The following PLCH1 variants were observed in gnomAD, a reference collection of about 807,000 sequenced individuals.
PLCH1 encodes the protein phospholipase C eta 1, also known as 1-phosphatidylinositol 4,5-bisphosphate phosphodiesterase eta-1.
Under a neutral mutation model 126.7 loss-of-function variants are expected in PLCH1, and 60 were observed. The observed-to-expected ratio is 0.47, with a 90% confidence interval of 0.38 to 0.59. The LOEUF (loss-of-function observed/expected upper bound fraction) is 0.59. Ranked by LOEUF, PLCH1 falls within the 20% of genes least tolerant of loss-of-function variation. The pLI is 0.00. For missense variants in PLCH1, 1,723 were observed against 2,040.0 expected (o/e 0.84, Z 2.99); for synonymous variants, 719 against 734.9 (o/e 0.98, Z 0.35).
At chr3:155,470,246 T>C (rs1207636248) in intron 21 of PLCH1, among the ~76,000 whole-genome samples, 1 of 151,986 alleles carries the variant, frequency 6.6e-6, no homozygotes, top group Non-Finnish European at 1.5e-5. Context: ...CTGATGGAGC[T>C]GAAAACCAAG....
At chr3:155,467,509 G>T (rs770373633) in intron 21 of PLCH1, among the ~76,000 whole-genome samples, 1 of 152,058 alleles carries the variant, frequency 6.6e-6, no homozygotes, top group African/African-American at 2.4e-5. Context: ...GGGAGGCAGA[G>T]GTTGCAGTGA....
chr3:155,478,626 G>T (rs1713654384), downstream of PLCH1, among the ~76,000 whole-genome samples: 1 of 151,466 alleles, frequency 6.6e-6, no homozygotes, highest in African/African-American at 2.4e-5. Context: ...TGTGTTTTTT[G>T]TTTTTTTTAA....
At chr3:155,458,529 AG>A in intron 21 of PLCH1, among the ~76,000 whole-genome samples, 22 of 144,800 alleles carry the variant, frequency 1.5e-4, no homozygotes, top group African/African-American at 5.6e-4. Context: ...AGAAAGAGAA[AG>A]AAAGAAAAAG....
intron 2 of PLCH1, among the ~76,000 whole-genome samples, chr3:155,645,521 G>A (rs1373532176): frequency 6.6e-6 from 1 of 152,164 alleles, no homozygotes; most frequent in African/African-American, 2.4e-5. Flanking sequence ...CTGTTGCCTA[G>A]GCTAGAATGC....
At chr3:155,606,850 A>G (rs956787947) in intron 2 of PLCH1, among the ~76,000 whole-genome samples, 46 of 152,214 alleles carry the variant, frequency 3.0e-4, no homozygotes, top group African/African-American at 1.1e-3. Context: ...AGGATTCAAT[A>G]TATAAATGGG....
chr3:155,687,981 C>T (rs1745083184), intron 2 of PLCH1, among the ~76,000 whole-genome samples: 1 of 152,168 alleles, frequency 6.6e-6, no homozygotes, highest in South Asian at 2.1e-4. Flanking sequence ...ACAGTGAAAT[C>T]CTTACTGGAT....
intron 21 of PLCH1, among the ~76,000 whole-genome samples, chr3:155,463,875 C>T (rs1712823245): frequency 6.6e-6 from 1 of 152,178 alleles, no homozygotes; most frequent in Non-Finnish European, 1.5e-5. Flanking sequence ...TCTAGGCATA[C>T]AGCAAACTGG....
intron 2 of PLCH1, among the ~76,000 whole-genome samples, chr3:155,617,762 T>G (rs764307218): frequency 6.6e-6 from 1 of 152,198 alleles, no homozygotes; most frequent in Non-Finnish European, 1.5e-5. Flanking sequence ...TCAGAGGTGA[T>G]TTATAGAGCC....
At chr3:155,546,211 T>C (rs1451243690) in intron 10 of PLCH1, among the ~76,000 whole-genome samples, 2 of 152,104 alleles carry the variant, frequency 1.3e-5, no homozygotes, top group Non-Finnish European at 2.9e-5. Flanking sequence ...AAAATCAATG[T>C]ACAAAAATCA....
chr3:155,672,021 C>A (rs1255815461), intron 2 of PLCH1, among the ~76,000 whole-genome samples: 1 of 152,052 alleles, frequency 6.6e-6, no homozygotes, highest in African/African-American at 2.4e-5. Context: ...ATTCACAATA[C>A]CGACTAAAAT....
At chr3:155,712,664 G>A (rs141536921) in intron 1 of PLCH1, among the ~76,000 whole-genome samples, 115 of 152,158 alleles carry the variant, frequency 7.6e-4, no homozygotes, top group African/African-American at 2.6e-3. Context: ...TTCTTGAACC[G>A]AAGAGACGGA....
chr3:155,497,528 C>A (rs1717230731), intron 14 of PLCH1, 111 bp from the exon 15 acceptor site: 1 of 756,580 alleles, frequency 1.3e-6, no homozygotes, highest in Non-Finnish European at 2.3e-6. Context: ...GAATACCTGC[C>A]CCAGGTCCTA....
chr3:155,493,995 C>T, intron 17 of PLCH1, 146 bp downstream of exon 17: 1 of 621,404 alleles, frequency 1.6e-6, no homozygotes, highest in East Asian at 2.7e-5. Flanking sequence ...CACATTCAAA[C>T]ACCTTAACCT....
chr3:155,527,822 A>C (rs1476008001), intron 10 of PLCH1, among the ~76,000 whole-genome samples: 2 of 151,358 alleles, frequency 1.3e-5, no homozygotes, highest in Non-Finnish European at 2.9e-5. Flanking sequence ...CGGGAGGCTG[A>C]GGCAGGAGAA....
intron 2 of PLCH1, among the ~76,000 whole-genome samples, chr3:155,624,991 T>C (rs1338335922): frequency 6.6e-6 from 1 of 152,188 alleles, no homozygotes; most frequent in Non-Finnish European, 1.5e-5. Flanking sequence ...GACTTCAAAC[T>C]ATACTGCAAG....
intron 12 of PLCH1, among the ~76,000 whole-genome samples, chr3:155,509,340 G>C (rs565905439): frequency 1.1e-5 from 1 of 94,578 alleles, no homozygotes; most frequent in South Asian, 3.9e-4. Context: ...AGGGTTTTTT[G>C]TGTCTCTATT....
intron 21 of PLCH1, among the ~76,000 whole-genome samples, chr3:155,452,989 C>A (rs1163152788): frequency 6.6e-6 from 1 of 152,104 alleles, no homozygotes; most frequent in East Asian, 1.9e-4. Context: ...TAAGTTGGAT[C>A]CTGTAAGTTA....
chr3:155,716,642 C>G (rs374318690), intron 1 of PLCH1, among the ~76,000 whole-genome samples: 1 of 152,308 alleles, frequency 6.6e-6, no homozygotes, highest in Non-Finnish European at 1.5e-5. Context: ...CACTTACTAT[C>G]GTGAGGACAG....
chr3:155,576,277 A>G (rs1729940048), intron 6 of PLCH1, among the ~76,000 whole-genome samples: 1 of 152,194 alleles, frequency 6.6e-6, no homozygotes, highest in Non-Finnish European at 1.5e-5. Flanking sequence ...AATCAACTCT[A>G]GTAAATACTT....
Sources: gnomAD v4.1 joint callset for allele counts (sites outside exome capture counted in the v4.1 genomes callset) on GRCh38, gnomAD v4.1.1 for gene constraint, MANE v1.5 for transcripts, NCBI Gene and HGNC (gene_info 2026-07-23, HGNC 2026-07-21) for gene names.